Variants in SPIN1 observed in about 807,000 individuals in gnomAD.
SPIN1 encodes spindlin 1, also known as spindlin-1.
A neutral mutation model predicts 26.0 loss-of-function variants in SPIN1; 3 were observed. The observed-to-expected ratio is 0.12, with a 90% CI of 0.05 to 0.30. SPIN1 has a LOEUF of 0.30. Ranked by LOEUF, SPIN1 falls within the 10% of genes least tolerant of loss-of-function variation. SPIN1 has a pLI of 1.00. For synonymous variants in SPIN1, 101 were observed against 116.5 expected (o/e 0.87, Z 0.86); for missense variants, 126 against 333.4 (o/e 0.38, Z 4.84).
intron 2 of SPIN1, among the ~76,000 whole-genome samples, chr9:88,429,106 G>A (rs368760773): frequency 6.6e-6 from 1 of 152,206 alleles, no homozygotes; most frequent in African/African-American, 2.4e-5. Context: ...AGCTGAAGCG[G>A]TCCTCCTGCC....
chr9:88,393,943 G>A (rs1387255111), intron 1 of SPIN1, among the ~76,000 whole-genome samples: 9 of 152,022 alleles, frequency 5.9e-5, no homozygotes, highest in Admixed American at 5.9e-4. Flanking sequence ...CGCCTCCCGG[G>A]TTCAAGCTAT....
At chr9:88,393,592 T>A (rs1020087410) in intron 1 of SPIN1, among the ~76,000 whole-genome samples, 5 of 150,282 alleles carry the variant, frequency 3.3e-5, no homozygotes, top group Admixed American at 6.7e-5. Flanking sequence ...AATAGCTGGG[T>A]CTACAGGCAT....
At position 88,403,723 on chromosome 9, in the gene SPIN1, GA is replaced by G. The variant is rs1041738741; in HGVS notation, c.-159+15193del. On this transcript the variant is annotated intron_variant, in intron 1 of 5. Coordinates refer to ENST00000375859, the MANE Select transcript of SPIN1 (RefSeq NM_006717.3). ...GTAAGATCCTGTCTTCAAAGCGGGG[GA>G]AAAAAAAGAAAACCACTATTAAGTG... Among the ~76,000 whole-genome samples, 21 of 151,584 alleles carry G rather than the reference GA, an allele frequency of 1.4e-4. No homozygotes were observed. The South Asian group carries it at 1.9e-3, about 14-fold the overall frequency.
chr9:88,461,024 T>C (rs1334006394), intron 3 of SPIN1, among the ~76,000 whole-genome samples: 1 of 152,242 alleles, frequency 6.6e-6, no homozygotes, highest in Non-Finnish European at 1.5e-5. Context: ...CTCCTCAAGA[T>C]ACTTTCGTAT....
intron 1 of SPIN1, among the ~76,000 whole-genome samples, chr9:88,398,950 G>C (rs1393920717): frequency 2.0e-5 from 3 of 151,966 alleles, no homozygotes; most frequent in Admixed American, 2.0e-4. Context: ...AAAGGAAAAC[G>C]TATATGGGAT....
intron 1 of SPIN1, among the ~76,000 whole-genome samples, chr9:88,419,579 A>G (rs1827634191): frequency 6.6e-6 from 1 of 152,244 alleles, no homozygotes; most frequent in South Asian, 2.1e-4. Context: ...AACAATACTT[A>G]ACTATATTTA....
chr9:88,445,922 T>G (rs1398770908), intron 2 of SPIN1, among the ~76,000 whole-genome samples: 8 of 152,220 alleles, frequency 5.3e-5, no homozygotes, highest in Admixed American at 4.6e-4. Context: ...ATTCTTTTAG[T>G]ATTCTTTAAA....
At chr9:88,434,070 T>C (rs557425501) in intron 2 of SPIN1, among the ~76,000 whole-genome samples, 31 of 152,164 alleles carry the variant, frequency 2.0e-4, no homozygotes, top group Non-Finnish European at 3.5e-4. Context: ...TCAGGAAGTA[T>C]GATGTAGATG....
At chr9:88,388,979 T>G (rs1826854506) in intron 1 of SPIN1, among the ~76,000 whole-genome samples, 1 of 127,332 alleles carries the variant, frequency 7.9e-6, no homozygotes, top group Non-Finnish European at 1.7e-5. Flanking sequence ...GGGGGAACGT[T>G]GCATAATCCC....
At chr9:88,408,886 G>C (rs1462716780) in intron 1 of SPIN1, among the ~76,000 whole-genome samples, 1 of 151,200 alleles carries the variant, frequency 6.6e-6, no homozygotes, top group African/African-American at 2.4e-5. Context: ...GGGTGGTCTC[G>C]ATCTCGACCT....
chr9:88,440,252 T>C (rs1828092043), intron 2 of SPIN1, among the ~76,000 whole-genome samples: 1 of 151,078 alleles, frequency 6.6e-6, no homozygotes, highest in African/African-American at 2.4e-5. Context: ...CTGGTTTTAA[T>C]TGAGCATTTT....
chr9:88,430,490 G>C (rs545371420), intron 2 of SPIN1, among the ~76,000 whole-genome samples: 35 of 152,300 alleles, frequency 2.3e-4, no homozygotes, highest in African/African-American at 7.5e-4. Context: ...ATACTTGATG[G>C]GAGAAGTAGC....
intron 4 of SPIN1, among the ~76,000 whole-genome samples, chr9:88,464,843 A>G (rs1828631616): frequency 6.6e-6 from 1 of 152,162 alleles, no homozygotes; most frequent in Non-Finnish European, 1.5e-5. Context: ...CATTGTTGAA[A>G]CAGATCTCCA....
intron 1 of SPIN1, chr9:88,389,251 G>A (rs1239604148): frequency 6.6e-6 from 1 of 152,268 alleles, no homozygotes; most frequent in Non-Finnish European, 1.5e-5. Flanking sequence ...GTGCTCTGGA[G>A]AGAGACAGGC....
chr9:88,453,753 C>G (rs989514330), intron 3 of SPIN1, among the ~76,000 whole-genome samples: 9 of 152,172 alleles, frequency 5.9e-5, no homozygotes, highest in Admixed American at 4.6e-4. Flanking sequence ...CTCAAACTCC[C>G]GACCTCAGGT....
chr9:88,460,820 A>ACC (rs1371912027), intron 3 of SPIN1, among the ~76,000 whole-genome samples: 2 of 152,214 alleles, frequency 1.3e-5, no homozygotes, highest in African/African-American at 4.8e-5. Flanking sequence ...GCACAGACAC[A>ACC]CCCACGAACA....
Position 88,474,681 on chromosome 9 carries a change from T to C in SPIN1, c.590-397T>C, listed in dbSNP as rs1388715821. On this transcript the variant is annotated intron_variant, in intron 5 of 5. Transcript: ENST00000375859. ...CCACTCAAACTTATTTTCATTTAAGTGCAGCTACAGATTAAACATGGGCCA... is the reference window on the plus strand; with the variant it reads ...CCACTCAAACTTATTTTCATTTAAGCGCAGCTACAGATTAAACATGGGCCA... Among the ~76,000 whole-genome samples the C allele has an allele frequency of 3.9e-5, 6 of 152,224 alleles. No homozygotes were observed. In the East Asian group the frequency reaches 1.2e-3, roughly 29 times the overall value.
intron 3 of SPIN1, among the ~76,000 whole-genome samples, chr9:88,461,082 A>C (rs1587813068): frequency 1.3e-5 from 2 of 152,148 alleles, no homozygotes; most frequent in East Asian, 3.9e-4. Context: ...AGAGGATTCC[A>C]AGAATGCTTT....
chr9:88,414,742 C>A (rs1370967330), intron 1 of SPIN1, among the ~76,000 whole-genome samples: 1 of 152,116 alleles, frequency 6.6e-6, no homozygotes, highest in Non-Finnish European at 1.5e-5. Context: ...TTGTTGCACG[C>A]ATTCATGATA....
Sources: allele counts gnomAD v4.1 joint callset (sites outside exome capture counted in the v4.1 genomes callset), GRCh38; gene constraint gnomAD v4.1.1; transcripts MANE v1.5; gene names NCBI Gene and HGNC (gene_info 2026-07-23, HGNC 2026-07-21).